DOCK3: variants seen among roughly 807,000 people sequenced by gnomAD.
DOCK3 encodes the protein dedicator of cytokinesis protein 3.
DOCK3 carries 60 observed loss-of-function variants against 265.6 expected under a neutral mutation model. The ratio of observed to expected loss-of-function variants is 0.23; its 90% CI spans 0.18 to 0.28. The LOEUF (loss-of-function observed/expected upper bound fraction) is 0.28. DOCK3 is among the 10% of genes least tolerant of loss of function. The probability of loss-of-function intolerance (pLI) is 1.00; values close to 1 mark genes in which losing one functional copy is unlikely to be tolerated. For missense variants in DOCK3, 1,981 were observed against 2,594.3 expected, an observed-to-expected ratio of 0.76 and a Z score of 5.14; for synonymous variants, 881 against 938.0, an observed-to-expected ratio of 0.94 and a Z score of 1.11.
intron 10 of DOCK3, 105 bp downstream of exon 10, chr3:51,146,735 A>T: frequency 1.0e-6 from 1 of 980,150 alleles, no homozygotes; most frequent in South Asian, 1.6e-5. Context: ...ATTTCCATAT[A>T]CACTGGGGAG....
At chr3:51,274,911 C>G (rs762300829) in intron 24 of DOCK3, among the ~76,000 whole-genome samples, 168 bp from the exon 25 acceptor site, 15 of 152,130 alleles carry the variant, frequency 9.9e-5, no homozygotes, top group Non-Finnish European at 2.1e-4. Context: ...TTATAATCTC[C>G]AGGCAGTGAG....
chr3:51,166,915 G>A (rs969480134), intron 12 of DOCK3, among the ~76,000 whole-genome samples: 14 of 152,100 alleles, frequency 9.2e-5, no homozygotes, highest in African/African-American at 3.1e-4. Context: ...TCCATAGATT[G>A]CCTTTTTGTT....
intron 3 of DOCK3, among the ~76,000 whole-genome samples, chr3:50,844,678 A>G (rs973052863): frequency 1.3e-5 from 2 of 152,222 alleles, no homozygotes; most frequent in African/African-American, 2.4e-5. Context: ...TGTTATGACT[A>G]CATACTAAAA....
At chr3:51,312,169 T>G in intron 29 of DOCK3, 90 bp downstream of exon 29, 1 of 1,180,404 alleles carries the variant, frequency 8.5e-7, no homozygotes, top group Non-Finnish European at 1.2e-6. Context: ...TATTAATAGA[T>G]TCATAGTATC....
At chr3:50,904,015 T>G (rs2049340655) in intron 4 of DOCK3, among the ~76,000 whole-genome samples, 1 of 152,070 alleles carries the variant, frequency 6.6e-6, no homozygotes. Context: ...ACATGTGGTG[T>G]TTGGTTTTTT....
chr3:51,138,548 C>T (rs2084911062), intron 9 of DOCK3, among the ~76,000 whole-genome samples: 1 of 152,078 alleles, frequency 6.6e-6, no homozygotes, highest in African/African-American at 2.4e-5. Context: ...AGAGAAGTTC[C>T]TATGTTCTGA....
At chr3:50,819,380 AT>A (rs1365176231) in intron 2 of DOCK3, among the ~76,000 whole-genome samples, 1 of 152,088 alleles carries the variant, frequency 6.6e-6, no homozygotes, top group Non-Finnish European at 1.5e-5. Context: ...TATAAATCTG[AT>A]TTTTTTCTGA....
intron 9 of DOCK3, among the ~76,000 whole-genome samples, chr3:51,096,541 C>T (rs1166291444): frequency 6.6e-6 from 1 of 152,122 alleles, no homozygotes; most frequent in Non-Finnish European, 1.5e-5. Flanking sequence ...TTAGCAATTC[C>T]TCTAATCTTT....
Position 51,357,781 on chromosome 3 carries a change from C to T in DOCK3, c.4707C>T (p.Ile1569=), listed in dbSNP as rs2086462209. The T allele has an allele frequency of 6.2e-7, 1 of 1,613,980 alleles. No homozygotes were observed. Among genetic ancestry groups the T allele is most frequent in the Non-Finnish European group, 8.5e-7 (1 of 1,179,886 alleles). The change falls in exon 45 of 53, where the codon ATC becomes ATT. Residue 1569 remains isoleucine, a synonymous_variant. Coordinates refer to ENST00000266037, the MANE Select transcript of DOCK3 (RefSeq NM_004947.5). ...AGGCCTTCTTTGATAAAGATTACAT[C>T]AACAAGCACCCAGGAGATGCTGAGA... The part of the protein sequence containing the change: ...YQEAFFDKDY[I]NKHPGDAEKI...
intron 2 of DOCK3, among the ~76,000 whole-genome samples, chr3:50,786,231 A>G (rs1020309152): frequency 2.0e-5 from 3 of 152,014 alleles, no homozygotes; most frequent in African/African-American, 7.3e-5. Flanking sequence ...TATCAGTGTT[A>G]TTCATCTTTT....
At position 51,338,226 on chromosome 3, in the gene DOCK3, T is replaced by C. The variant is rs982928967; in HGVS notation, c.3612-133T>C. The C allele has an allele frequency of 1.5e-5, 14 of 910,048 alleles. No individual in the cohort carries two copies. In the East Asian group the frequency reaches 2.2e-4, roughly 14 times the overall value. 56.4% of individuals were successfully genotyped at this position (910,048 alleles called of 1,614,324 possible). A position where few individuals can be genotyped will look rare whatever the true frequency, so the allele number is the denominator to read the frequency against. Reference sequence around the variant, plus strand: ...GAGCTCACAGTAGAGTCCTTATCTATGGAAGCAGTTCCTGTTGGAGGCCAT... The same window carrying C: ...GAGCTCACAGTAGAGTCCTTATCTACGGAAGCAGTTCCTGTTGGAGGCCAT... On this transcript the variant is annotated intron_variant, in intron 35 of 52. Coordinates refer to ENST00000266037, the MANE Select transcript of DOCK3 (RefSeq NM_004947.5).
At chr3:51,217,451 G>C (rs558263713) in intron 14 of DOCK3, among the ~76,000 whole-genome samples, 5 of 152,212 alleles carry the variant, frequency 3.3e-5, no homozygotes, top group African/African-American at 1.2e-4. Flanking sequence ...CTGGTGTTCT[G>C]GGAGCCAAAC....
intron 5 of DOCK3, among the ~76,000 whole-genome samples, chr3:50,939,832 A>ATC (rs1445395651): frequency 6.6e-6 from 1 of 152,176 alleles, no homozygotes; most frequent in Non-Finnish European, 1.5e-5. Context: ...CAACACTCCT[A>ATC]TCAACACAAT....
intron 23 of DOCK3, among the ~76,000 whole-genome samples, chr3:51,263,294 C>A (rs988318088): frequency 1.9e-4 from 29 of 151,992 alleles, no homozygotes; most frequent in African/African-American, 6.0e-4. Context: ...GAATTTTCAA[C>A]CCAGAATTTC....
intron 2 of DOCK3, among the ~76,000 whole-genome samples, chr3:50,832,970 A>G (rs1041852060): frequency 6.6e-6 from 1 of 152,232 alleles, no homozygotes; most frequent in African/African-American, 2.4e-5. Context: ...CTGCATTCCT[A>G]TACAAGGAGT....
rs181986458 is a variant in DOCK3, at chr3:50,803,281, C to G, written c.121+24523C>G. Reference sequence around the variant, plus strand: ...ATTAGGGAGTGGTGATGACTCTTAACGAGCATGCTGCCTTCAAGCATCTGT... The same window carrying G: ...ATTAGGGAGTGGTGATGACTCTTAAGGAGCATGCTGCCTTCAAGCATCTGT... On this transcript the variant is annotated intron_variant, in intron 2 of 52. Transcript: ENST00000266037. 2.4e-3 allele frequency among the ~76,000 whole-genome samples: 359 copies of G among 152,122 alleles called. 2 individuals carry two copies. The highest frequency in any genetic ancestry group is 8.0e-3 in the African/African-American group (332 of 41,478).
intron 5 of DOCK3, among the ~76,000 whole-genome samples, chr3:51,033,875 T>A (rs1024631882): frequency 2.0e-5 from 3 of 152,206 alleles, no homozygotes; most frequent in African/African-American, 7.2e-5. Flanking sequence ...CCCAAAAGTT[T>A]ATGGCAAAAG....
intron 9 of DOCK3, among the ~76,000 whole-genome samples, chr3:51,096,921 T>C (rs370500134): frequency 9.2e-5 from 14 of 152,208 alleles, no homozygotes; most frequent in African/African-American, 3.4e-4. Flanking sequence ...TTCTAGACCC[T>C]GTTTGCCTGG....
chr3:51,044,365 T>G (rs1268886777), intron 5 of DOCK3, among the ~76,000 whole-genome samples: 2 of 151,808 alleles, frequency 1.3e-5, no homozygotes. Flanking sequence ...CACTTATAAG[T>G]GGAAGCTAAA....
Sources: gnomAD v4.1 joint callset for allele counts (sites outside exome capture counted in the v4.1 genomes callset) on GRCh38, gnomAD v4.1.1 for gene constraint, MANE v1.5 for transcripts, NCBI Gene and HGNC (gene_info 2026-07-23, HGNC 2026-07-21) for gene names.